Variants in CHST2 observed in about 807,000 individuals in gnomAD.
The protein encoded by CHST2 is N-acetylglucosamine 6-O-sulfotransferase 1.
In CHST2, 23 loss-of-function variants were observed where a neutral mutation model predicts 34.6. The observed-to-expected ratio is 0.67, with a 90% CI of 0.48 to 0.94. The LOEUF (loss-of-function observed/expected upper bound fraction) is 0.94. Ranked by LOEUF, CHST2 falls within the 40% of genes least tolerant of loss-of-function variation. The pLI, the probability that CHST2 is intolerant of heterozygous loss-of-function variation, is 0.00. For missense variants in CHST2, 720 were observed against 759.5 expected, an observed-to-expected ratio of 0.95 and a Z score of 0.61; for synonymous variants, 392 against 343.1, an observed-to-expected ratio of 1.14 and a Z score of -1.58.
At position 143,120,552 on chromosome 3, in the gene CHST2, G is replaced by A. The variant is rs1181715744; in HGVS notation, c.-174+11G>A. ...CGCCCTCGGCTCCAGGTGAGCGGAG[G>A]AACCGGGCAGAACCGAGGGTGGGCG... On this transcript the variant is annotated intron_variant, in intron 1 of 1. Transcript: ENST00000309575. The surrounding 1 kb of genome is among the most constrained non-coding windows in gnomAD (Gnocchi z 4.1). 5 of 247,242 alleles carry A rather than the reference G, an allele frequency of 2.0e-5. No individual in the cohort carries two copies. The highest frequency in any genetic ancestry group is 3.8e-5 in the Non-Finnish European group (5 of 131,552). 15.3% of individuals were successfully genotyped at this position (247,242 alleles called of 1,614,324 possible).
At position 143,121,748 on chromosome 3, in the gene CHST2, T is replaced by A; in HGVS notation, c.932T>A (p.Val311Glu). 2 of 1,604,100 alleles carry A rather than the reference T, an allele frequency of 1.2e-6. No homozygotes were observed. Among genetic ancestry groups the A allele is most frequent in the Non-Finnish European group, 1.7e-6 (2 of 1,175,264 alleles). Reference sequence around the variant, plus strand: ...ATAAAGGGTGTGCGCGTCTTCGACGTGGCGGTCTTGGCGCCACTGCTGCGA... The same window carrying A: ...ATAAAGGGTGTGCGCGTCTTCGACGAGGCGGTCTTGGCGCCACTGCTGCGA... The part of the protein sequence containing the change: ...LVIKGVRVFD[V>E]AVLAPLLRDP... The change falls in exon 2 of 2, where the codon GTG (valine) becomes GAG (glutamate). Residue 311 changes from valine (V) to glutamate (E), a missense_variant. Physicochemically the swap from Val to Glu is moderately radical, Grantham distance 121 (BLOSUM62 -2). Around this residue, in one of 4 missense-constraint regions of CHST2, gnomAD observed 166 missense variants for 211.4 expected, o/e 0.79. Transcript: ENST00000309575.
In CHST2 at chr3:143,122,237, GCAATGCCACGCAGGCCGC is replaced by G; in HGVS notation, c.1429_1446del (p.Thr477_Ala482del). On this transcript the variant is annotated inframe_deletion, in exon 2 of 2. Transcript: ENST00000309575. ...TCCAAGCCTTTCGTGGTATCTGCAC[GCAATGCCACGCAGGCCGC>G]CAATGCCTGGCGGACCGCCCTCACC... The G allele has an allele frequency of 6.2e-7, 1 of 1,614,064 alleles. No homozygotes were observed. The highest frequency in any genetic ancestry group is 8.5e-7 in the Non-Finnish European group (1 of 1,179,998).
Position 143,123,210 on chromosome 3 carries a change from CAG to C in CHST2, c.*802_*803del, listed in dbSNP as rs1203180665. 7 of 152,122 alleles carry C rather than the reference CAG, an allele frequency of 4.6e-5. No homozygotes were observed. Among genetic ancestry groups the C allele is most frequent in the South Asian group, 2.1e-4 (1 of 4,830 alleles). 9.4% of individuals were successfully genotyped at this position (152,122 alleles called of 1,614,324 possible). A position where few individuals can be genotyped will look rare whatever the true frequency, so the allele number is the denominator to read the frequency against. Reference sequence around the variant, plus strand: ...TTGTATTCTAAAGGCAGAAACCAAACAGGGCAGTGGAAGAAAAAGCACACTAC... The same window carrying C: ...TTGTATTCTAAAGGCAGAAACCAAACGGCAGTGGAAGAAAAAGCACACTAC... On this transcript the variant is annotated 3_prime_UTR_variant, in exon 2 of 2. Transcript: ENST00000309575.
Position 143,122,478 on chromosome 3 carries a change from AAC to A in CHST2, c.*73_*74del, listed in dbSNP as rs1465492202. 1 of 1,424,764 alleles carries A rather than the reference AAC, an allele frequency of 7.0e-7. No homozygotes were observed. Among genetic ancestry groups the A allele is most frequent in the Non-Finnish European group, 9.3e-7 (1 of 1,074,260 alleles). 88.3% of individuals were successfully genotyped at this position (1,424,764 alleles called of 1,614,324 possible). On this transcript the variant is annotated 3_prime_UTR_variant, in exon 2 of 2. Transcript: ENST00000309575. ...AAGAGGATCGTAGTGTGTTTAAATA[AAC>A]ACAGTCCAGACTCAAACGGAGGAAG...
At position 143,121,236 on chromosome 3, in the gene CHST2, G is replaced by C; in HGVS notation, c.420G>C (p.Ala140=). The change falls in exon 2 of 2, where the codon GCG becomes GCC. Residue 140 remains alanine (A), a synonymous_variant. Coordinates refer to ENST00000309575, the MANE Select transcript of CHST2 (RefSeq NM_004267.5). ...CCGTCGGGGCGGCTCCTGCAGCCGC[G>C]GCAGGGATGGCGGGGGTTGCGGCCC... ...AAAVGAAPAA[A]AGMAGVAAPP... The C allele has an allele frequency of 1.3e-6, 2 of 1,580,718 alleles. No individual in the cohort carries two copies. The highest frequency in any genetic ancestry group is 1.7e-6 in the Non-Finnish European group (2 of 1,166,796).
chr3:143,120,696 A>C lies in CHST2; in HGVS notation c.-121A>C. On this transcript the variant is annotated 5_prime_UTR_variant, in exon 2 of 2. Coordinates refer to ENST00000309575, the MANE Select transcript of CHST2 (RefSeq NM_004267.5). This position sits in a 1 kb window ranked among gnomAD's most constrained non-coding sequence, Gnocchi z 4.1. ...GAGCCAGCCTTGGGCGCTGGGGACC[A>C]GCCGCCGCGCCCGCCTCGGAGTCGC... The C allele has an allele frequency of 1.0e-6, 1 of 982,330 alleles. No individual in the cohort carries two copies. The highest frequency in any genetic ancestry group is 5.1e-5 in the South Asian group (1 of 19,494). The allele number at this position is 982,330 out of a possible 1,614,324, so 60.9% of individuals were successfully genotyped here.
chr3:143,120,410 C>G lies in CHST2; in HGVS notation c.-305C>G, dbSNP rs1162837577. 6.4e-6 allele frequency: 1 copy of G among 156,192 alleles called. No individual in the cohort carries two copies. The highest frequency in any genetic ancestry group is 2.4e-5 in the African/African-American group (1 of 41,652). The allele number at this position is 156,192 out of a possible 1,614,324, so 9.7% of individuals were successfully genotyped here. Reference sequence around the variant, plus strand: ...AACTGCCCAGGGATAAGTCGGCCGACTCCCCAGACCCCTCGAAGGTGCGGG... The same window carrying G: ...AACTGCCCAGGGATAAGTCGGCCGAGTCCCCAGACCCCTCGAAGGTGCGGG... On this transcript the variant is annotated 5_prime_UTR_variant, in exon 1 of 2. Transcript: ENST00000309575. This position sits in a 1 kb window ranked among gnomAD's most constrained non-coding sequence, Gnocchi z 4.1.
At position 143,121,224 on chromosome 3, in the gene CHST2, T is replaced by C. The variant is rs1429208268; in HGVS notation, c.408T>C (p.Ala136=). Residue 136 remains alanine, a synonymous_variant, in exon 2 of 2, where the codon GCT becomes GCC. Coordinates refer to ENST00000309575, the MANE Select transcript of CHST2 (RefSeq NM_004267.5). ...CTCCCGCTGCCGCCGTCGGGGCGGCTCCTGCAGCCGCGGCAGGGATGGCGG... is the reference window on the plus strand; with the variant it reads ...CTCCCGCTGCCGCCGTCGGGGCGGCCCCTGCAGCCGCGGCAGGGATGGCGG... ...YRPPAAAVGA[A]PAAAAGMAGV... is the part of the protein sequence containing the mutation. 1.3e-6 allele frequency: 2 copies of C among 1,577,010 alleles called. No homozygotes were observed. The highest frequency in any genetic ancestry group is 1.7e-6 in the Non-Finnish European group (2 of 1,165,492).
chr3:143,121,364 T>G lies in CHST2; in HGVS notation c.548T>G (p.Leu183Arg). 1 of 1,613,652 alleles carries G rather than the reference T, an allele frequency of 6.2e-7. No homozygotes were observed. The highest frequency in any genetic ancestry group is 8.5e-7 in the Non-Finnish European group (1 of 1,180,012). ...WRSGSSFFGE[L>R]FNQNPEVFFL... ...TCTGGCTCGTCGTTCTTCGGCGAGC[T>G]ATTCAACCAGAATCCCGAGGTGTTC... The change falls in exon 2 of 2, where the codon CTA (leucine) becomes CGA (arginine). Residue 183 changes from leucine to arginine, a missense_variant. This residue lies in a region of CHST2 where 43 missense variants were observed against 77.6 expected (regional missense o/e 0.55). Transcript: ENST00000309575.
Position 143,120,929 on chromosome 3 carries a change from G to T in CHST2, c.113G>T (p.Gly38Val). Residue 38 changes from glycine (G) to valine (V), a missense_variant, in exon 2 of 2, where the codon GGA becomes GTA. Around this residue, in one of 4 missense-constraint regions of CHST2, gnomAD observed 287 missense variants for 242.7 expected, o/e 1.18. Transcript: ENST00000309575. This position sits in a 1 kb window ranked among gnomAD's most constrained non-coding sequence, Gnocchi z 4.1. Reference sequence around the variant, plus strand: ...CTCCCGCAGTGGCCCCGGCGCCCAGGACGCCGCTGGCCCGCGTCCCCTCTC... The same window carrying T: ...CTCCCGCAGTGGCCCCGGCGCCCAGTACGCCGCTGGCCCGCGTCCCCTCTC... ...ALLPQWPRRP[G>V]RRWPASPLGM... The T allele has an allele frequency of 6.6e-7, 1 of 1,522,440 alleles. No individual in the cohort carries two copies. Among genetic ancestry groups the T allele is most frequent in the South Asian group, 1.2e-5 (1 of 80,976 alleles). 94.3% of individuals were successfully genotyped at this position (1,522,440 alleles called of 1,614,324 possible).
At position 143,120,659 on chromosome 3, in the gene CHST2, G is replaced by T. The variant is rs921008885; in HGVS notation, c.-158G>T. ...CCCCTCGCAGGTCCTACCCGGAGCC[G>T]CTGCCATGGGAGAGCCAGCCTTGGG... On this transcript the variant is annotated 5_prime_UTR_variant, in exon 2 of 2. Coordinates refer to ENST00000309575, the MANE Select transcript of CHST2 (RefSeq NM_004267.5). This position sits in a 1 kb window ranked among gnomAD's most constrained non-coding sequence, Gnocchi z 4.1. 240 of 574,034 alleles carry T rather than the reference G, an allele frequency of 4.2e-4. No individual in the cohort carries two copies. Among genetic ancestry groups the T allele is most frequent in the Non-Finnish European group, 5.7e-4 (235 of 409,262 alleles). The allele number at this position is 574,034 out of a possible 1,614,324, so 35.6% of individuals were successfully genotyped here. A position where few individuals can be genotyped will look rare whatever the true frequency, so the allele number is the denominator to read the frequency against.
At position 143,123,589 on chromosome 3, in the gene CHST2, CCTTTT is replaced by C. The variant is rs1936260479; in HGVS notation, c.*1184_*1188del. On this transcript the variant is annotated 3_prime_UTR_variant, in exon 2 of 2. Coordinates refer to ENST00000309575, the MANE Select transcript of CHST2 (RefSeq NM_004267.5). ...TCATCTGAGAACCGTAAGGGTTTTC[CCTTTT>C]CTTACTTGCTTCCCATTTAAATCAG... 1 of 152,060 alleles carries C rather than the reference CCTTTT, an allele frequency of 6.6e-6. No homozygotes were observed. 9.4% of individuals were successfully genotyped at this position (152,060 alleles called of 1,614,324 possible). A position where few individuals can be genotyped will look rare whatever the true frequency, so the allele number is the denominator to read the frequency against.
rs1302295431 is a variant in CHST2 at position 143,123,464 on chromosome 3, G to A, written c.*1055G>A. Reference sequence around the variant, plus strand: ...TAGCGTGAACATACTGCTGGCGATGGTAGCAGCTTCGTTGGTTTAGCAAAG... The same window carrying A: ...TAGCGTGAACATACTGCTGGCGATGATAGCAGCTTCGTTGGTTTAGCAAAG... On this transcript the variant is annotated 3_prime_UTR_variant, in exon 2 of 2. Coordinates refer to ENST00000309575, the MANE Select transcript of CHST2 (RefSeq NM_004267.5). 1 of 152,182 alleles carries A rather than the reference G, an allele frequency of 6.6e-6. No individual in the cohort carries two copies. The highest frequency in any genetic ancestry group is 2.4e-5 in the African/African-American group (1 of 41,426). The allele number at this position is 152,182 out of a possible 1,614,324, so 9.4% of individuals were successfully genotyped here.
In CHST2 at chr3:143,119,922, G is replaced by C. The variant is rs1936180036; in HGVS notation, c.-793G>C. On this transcript the variant is annotated 5_prime_UTR_variant, in exon 1 of 2. Coordinates refer to ENST00000309575, the MANE Select transcript of CHST2 (RefSeq NM_004267.5). ...CGTTGGCCAGAAGCGCTGGTACCGGGGGCGGGTTGGGTCGGGTCGGGCAGT... is the reference window on the plus strand; with the variant it reads ...CGTTGGCCAGAAGCGCTGGTACCGGCGGCGGGTTGGGTCGGGTCGGGCAGT... The C allele has an allele frequency of 6.6e-6, 1 of 152,402 alleles. No individual in the cohort carries two copies. The highest frequency in any genetic ancestry group is 2.4e-5 in the African/African-American group (1 of 41,432). The allele number at this position is 152,402 out of a possible 1,614,324, so 9.4% of individuals were successfully genotyped here.
In CHST2 at chr3:143,123,927, T is replaced by A. The variant is rs1936265543; in HGVS notation, c.*1518T>A. On this transcript the variant is annotated 3_prime_UTR_variant, in exon 2 of 2. Coordinates refer to ENST00000309575, the MANE Select transcript of CHST2 (RefSeq NM_004267.5). The stretch of plus-strand genomic sequence containing the variant: ...TACTGAAACATTCTGCAGAATGTTA[T>A]ACTATGAGAAGAAATTGTGAAGCCC... The A allele has an allele frequency of 6.6e-6, 1 of 152,234 alleles. No individual in the cohort carries two copies. Among genetic ancestry groups the A allele is most frequent in the Admixed American group, 6.5e-5 (1 of 15,284 alleles). 9.4% of individuals were successfully genotyped at this position (152,234 alleles called of 1,614,324 possible). A position where few individuals can be genotyped will look rare whatever the true frequency, so the allele number is the denominator to read the frequency against.
chr3:143,121,630 G>A lies in CHST2; in HGVS notation c.814G>A (p.Val272Met). 6.3e-7 allele frequency: 1 copy of A among 1,580,382 alleles called. No individual in the cohort carries two copies. Among genetic ancestry groups the A allele is most frequent in the South Asian group, 1.1e-5 (1 of 87,144 alleles). Residue 272 changes from valine (V) to methionine (M), a missense_variant, in exon 2 of 2, where the codon GTG (valine) becomes ATG (methionine). Physicochemically the swap from Val to Met is conservative, Grantham distance 21. Transcript: ENST00000309575. ...PLCPAYRKEV[V>M]GLVDDRVCKK... is the part of the protein sequence containing the mutation. Reference sequence around the variant, plus strand: ...CTGCCCCGCCTACCGCAAGGAGGTCGTGGGGTTGGTGGACGACCGCGTGTG... The same window carrying A: ...CTGCCCCGCCTACCGCAAGGAGGTCATGGGGTTGGTGGACGACCGCGTGTG...
At position 143,120,786 on chromosome 3, in the gene CHST2, C is replaced by G. The variant is rs1936198292; in HGVS notation, c.-31C>G. On this transcript the variant is annotated 5_prime_UTR_variant, in exon 2 of 2. Transcript: ENST00000309575. The surrounding 1 kb of genome is among the most constrained non-coding windows in gnomAD (Gnocchi z 4.1). ...CCTTCCCGGGCTGCAGGGCTGCCTC[C>G]GCCGCGCCGCCGGCCCGGATTGTGC... The G allele has an allele frequency of 1.6e-6, 2 of 1,223,992 alleles. No homozygotes were observed. Among genetic ancestry groups the G allele is most frequent in the African/African-American group, 3.2e-5 (2 of 63,154 alleles). 75.8% of individuals were successfully genotyped at this position (1,223,992 alleles called of 1,614,324 possible).
chr3:143,122,347 G>T lies in CHST2; in HGVS notation c.1531G>T (p.Val511Phe). The T allele has an allele frequency of 6.2e-7, 1 of 1,613,948 alleles. No homozygotes were observed. Among genetic ancestry groups the T allele is most frequent in the Non-Finnish European group, 8.5e-7 (1 of 1,179,976 alleles). Reference sequence around the variant, plus strand: ...CATGGCCGTCCTGGGCTATGAGCGGGTCAACAGCCCTGAGGAGGTCAAAGA... The same window carrying T: ...CATGGCCGTCCTGGGCTATGAGCGGTTCAACAGCCCTGAGGAGGTCAAAGA... ...QPMAVLGYER[V>F]NSPEEVKDLS... Residue 511 changes from valine (V) to phenylalanine (F), a missense_variant, in exon 2 of 2, where the codon GTC (valine) becomes TTC (phenylalanine). Physicochemically the swap from Val to Phe is conservative, Grantham distance 50. Around this residue, in one of 4 missense-constraint regions of CHST2, gnomAD observed 224 missense variants for 227.8 expected, o/e 0.98. Coordinates refer to ENST00000309575, the MANE Select transcript of CHST2 (RefSeq NM_004267.5).
In CHST2 at chr3:143,120,781, G is replaced by C; in HGVS notation, c.-36G>C. 1 of 1,222,798 alleles carries C rather than the reference G, an allele frequency of 8.2e-7. No individual in the cohort carries two copies. Among genetic ancestry groups the C allele is most frequent in the African/African-American group, 1.6e-5 (1 of 63,350 alleles). The allele number at this position is 1,222,798 out of a possible 1,614,324, so 75.7% of individuals were successfully genotyped here. A position where few individuals can be genotyped will look rare whatever the true frequency, so the allele number is the denominator to read the frequency against. ...CGTCCCCTTCCCGGGCTGCAGGGCT[G>C]CCTCCGCCGCGCCGCCGGCCCGGAT... On this transcript the variant is annotated 5_prime_UTR_variant, in exon 2 of 2. Transcript: ENST00000309575. The surrounding 1 kb of genome is among the most constrained non-coding windows in gnomAD (Gnocchi z 4.1).
Sources: allele counts gnomAD v4.1 joint callset, GRCh38; gene constraint gnomAD v4.1.1; regional missense constraint gnomAD v4.1.1; non-coding constraint Gnocchi (gnomAD v3.1); transcripts MANE v1.5; gene names NCBI Gene and HGNC (gene_info 2026-07-23, HGNC 2026-07-21).